Variants in SYN3 observed in about 807,000 individuals in gnomAD.
SYN3 encodes the protein synapsin-3.
In SYN3, 35 loss-of-function variants were observed where a neutral mutation model predicts 65.8. The ratio of observed to expected loss-of-function variants is 0.53; its 90% CI spans 0.41 to 0.70. SYN3 has a LOEUF of 0.70. Ranked by LOEUF, SYN3 falls within the 30% of genes least tolerant of loss-of-function variation. The pLI is 0.00. For synonymous variants in SYN3, 270 were observed against 292.9 expected (o/e 0.92, Z 0.80); for missense variants, 680 against 749.0 (o/e 0.91, Z 1.08).
intron 6 of SYN3, among the ~76,000 whole-genome samples, chr22:32,754,353 T>G (rs1034888856): frequency 6.6e-6 from 1 of 152,164 alleles, no homozygotes. Context: ...GGTTTCACCA[T>G]GTTTGCCAGG....
intron 6 of SYN3, among the ~76,000 whole-genome samples, chr22:32,649,908 G>A (rs1167433963): frequency 6.6e-6 from 1 of 152,142 alleles, no homozygotes; most frequent in African/African-American, 2.4e-5. Flanking sequence ...TGTCTCACTG[G>A]GCCTTGTGGG....
chr22:32,913,070 T>C (rs1356875264), intron 4 of SYN3, among the ~76,000 whole-genome samples: 1 of 152,126 alleles, frequency 6.6e-6, no homozygotes, highest in East Asian at 1.9e-4. Flanking sequence ...GGAGGGAAGC[T>C]TTGCACGTGT....
intron 3 of SYN3, among the ~76,000 whole-genome samples, chr22:32,972,187 G>T (rs908187011): frequency 6.6e-6 from 1 of 152,178 alleles, no homozygotes; most frequent in Non-Finnish European, 1.5e-5. Context: ...ATTTCTAGAA[G>T]TGAATCCTAC....
intron 1 of SYN3, among the ~76,000 whole-genome samples, chr22:33,053,675 T>C (rs2145983373): frequency 6.6e-6 from 1 of 152,308 alleles, no homozygotes; most frequent in Non-Finnish European, 1.5e-5. Context: ...TTCCCTCTGC[T>C]TCTGTTACAA....
chr22:32,733,764 ATC>A (rs2061301410), intron 6 of SYN3, among the ~76,000 whole-genome samples: 1 of 152,134 alleles, frequency 6.6e-6, no homozygotes, highest in African/African-American at 2.4e-5. Flanking sequence ...CAGTGTAGAC[ATC>A]TCAGATGGGC....
At position 32,801,931 on chromosome 22, in the gene SYN3, C is replaced by A; in HGVS notation, c.711+62984G>T. On this transcript the variant is annotated intron_variant, in intron 6 of 13. Coordinates refer to ENST00000358763, the MANE Select transcript of SYN3 (RefSeq NM_003490.4). This position sits in a 1 kb window ranked among gnomAD's most constrained non-coding sequence, Gnocchi z 4.7. ...GGCGAGCGAGCTCGGGCTGCAGCAG[C>A]CCCGCCGGCGGCGCGCACGGCAACT... 1 of 1,511,048 alleles carries A rather than the reference C, an allele frequency of 6.6e-7. No homozygotes were observed. 93.6% of individuals were successfully genotyped at this position (1,511,048 alleles called of 1,614,324 possible).
chr22:32,949,628 A>G (rs1260825199), intron 3 of SYN3, among the ~76,000 whole-genome samples: 1 of 152,064 alleles, frequency 6.6e-6, no homozygotes, highest in Non-Finnish European at 1.5e-5. Context: ...CTGCATTTTC[A>G]CCGGCACTGG....
intron 6 of SYN3, among the ~76,000 whole-genome samples, chr22:32,728,909 T>C (rs1435620753): frequency 6.6e-6 from 1 of 152,042 alleles, no homozygotes; most frequent in East Asian, 1.9e-4. Flanking sequence ...CCAGAGAAAG[T>C]CTTCAGAAGG....
At chr22:32,778,585 C>A (rs2045962188) in intron 6 of SYN3, among the ~76,000 whole-genome samples, 1 of 152,174 alleles carries the variant, frequency 6.6e-6, no homozygotes, top group Non-Finnish European at 1.5e-5. Flanking sequence ...AGCCACCGCA[C>A]CCGGCCAAGA....
intron 6 of SYN3, chr22:32,629,613 CT>C (rs2059718454): frequency 6.6e-6 from 1 of 152,178 alleles, no homozygotes; most frequent in African/African-American, 2.4e-5. Flanking sequence ...TACTATCTTT[CT>C]TGTCTTTCAC....
chr22:32,702,368 C>T (rs946769928), intron 6 of SYN3, among the ~76,000 whole-genome samples: 1 of 152,084 alleles, frequency 6.6e-6, no homozygotes, highest in South Asian at 2.1e-4. Flanking sequence ...GTCCCAGCTA[C>T]TCGGGAGGCT....
intron 6 of SYN3, among the ~76,000 whole-genome samples, chr22:32,727,219 A>C (rs544407728): frequency 2.8e-4 from 42 of 152,144 alleles, no homozygotes; most frequent in African/African-American, 7.7e-4. Flanking sequence ...GCCCCCACTT[A>C]TACGTGAGAA....
intron 6 of SYN3, among the ~76,000 whole-genome samples, chr22:32,724,822 G>A (rs2061167692): frequency 6.6e-6 from 1 of 152,052 alleles, no homozygotes; most frequent in Non-Finnish European, 1.5e-5. Flanking sequence ...AGAGGAGTAG[G>A]CCAAACACCT....
chr22:32,644,387 C>T (rs2059954142), intron 6 of SYN3, among the ~76,000 whole-genome samples: 1 of 152,136 alleles, frequency 6.6e-6, no homozygotes, highest in South Asian at 2.1e-4. Flanking sequence ...AGGTGCTCTC[C>T]ACCAGTCCCT....
intron 8 of SYN3, among the ~76,000 whole-genome samples, chr22:32,539,825 T>C (rs1474123788): frequency 6.7e-6 from 1 of 148,220 alleles, no homozygotes; most frequent in East Asian, 2.0e-4. Flanking sequence ...GTCGTCAATG[T>C]CAAGTGGAAG....
At chr22:32,546,084 TC>T (rs974065174) in intron 7 of SYN3, among the ~76,000 whole-genome samples, 1 of 152,118 alleles carries the variant, frequency 6.6e-6, no homozygotes, top group African/African-American at 2.4e-5. Context: ...CGTCACCACA[TC>T]CAGCTGATTT....
intron 6 of SYN3, among the ~76,000 whole-genome samples, chr22:32,759,533 A>G (rs1395628439): frequency 1.3e-5 from 2 of 152,010 alleles, no homozygotes; most frequent in African/African-American, 4.8e-5. Context: ...ATTTCTTCCA[A>G]CCTTGAGATC....
chr22:32,630,358 T>G (rs2059731034), intron 6 of SYN3, among the ~76,000 whole-genome samples: 1 of 152,192 alleles, frequency 6.6e-6, no homozygotes, highest in Non-Finnish European at 1.5e-5. Flanking sequence ...GCCTCAGCCT[T>G]CCAAATAGCT....
intron 4 of SYN3, among the ~76,000 whole-genome samples, chr22:32,877,606 G>A (rs2049017003): frequency 1.3e-5 from 2 of 152,152 alleles, no homozygotes; most frequent in Admixed American, 1.3e-4. Context: ...ATTGCCAAGT[G>A]TCCCCTGGGT....
Sources: gnomAD v4.1 joint callset for allele counts (sites outside exome capture counted in the v4.1 genomes callset) on GRCh38, gnomAD v4.1.1 for gene constraint, Gnocchi (gnomAD v3.1) non-coding constraint, MANE v1.5 for transcripts, NCBI Gene and HGNC (gene_info 2026-07-23, HGNC 2026-07-21) for gene names.